NHSL1: variants seen among roughly 807,000 people sequenced by gnomAD.
NHSL1 encodes NHS like 1.
In NHSL1, 48 loss-of-function variants were observed where a neutral mutation model predicts 95.0. The observed-to-expected ratio is 0.51, with a 90% CI of 0.40 to 0.64. The LOEUF is 0.64. NHSL1 is among the 30% of genes least tolerant of loss of function. The pLI is 0.00. For synonymous variants in NHSL1, 783 were observed against 833.9 expected, an observed-to-expected ratio of 0.94 and a Z score of 1.05; for missense variants, 1,971 against 2,077.7, an observed-to-expected ratio of 0.95 and a Z score of 1.00.
intron 1 of NHSL1, among the ~76,000 whole-genome samples, chr6:138,687,562 A>G (rs1785602240): frequency 6.6e-6 from 1 of 152,236 alleles, no homozygotes; most frequent in South Asian, 2.1e-4. Flanking sequence ...TACAATTATT[A>G]TGTATCAATT....
chr6:138,438,507 C>T (rs934866916), intron 5 of NHSL1, among the ~76,000 whole-genome samples: 14 of 152,094 alleles, frequency 9.2e-5, no homozygotes, highest in African/African-American at 3.1e-4. Flanking sequence ...TGCAATAACC[C>T]TGAGGTATGT....
chr6:138,497,932 T>C (rs1337620557), intron 1 of NHSL1, among the ~76,000 whole-genome samples: 1 of 152,230 alleles, frequency 6.6e-6, no homozygotes, highest in Non-Finnish European at 1.5e-5. Flanking sequence ...GAAATGTCCA[T>C]TGTGCTTTCT....
At chr6:138,446,874 A>C (rs1335365254) in intron 4 of NHSL1, 127 bp downstream of exon 4, 2 of 805,598 alleles carry the variant, frequency 2.5e-6, no homozygotes, top group Non-Finnish European at 4.0e-6. Flanking sequence ...CTCATTAAAC[A>C]AAGAGCATGA....
At chr6:138,598,781 G>C (rs1220949828) in intron 1 of NHSL1, among the ~76,000 whole-genome samples, 1 of 152,132 alleles carries the variant, frequency 6.6e-6, no homozygotes, top group Non-Finnish European at 1.5e-5. Flanking sequence ...CTTTGTGGTA[G>C]GGTGGGTGAA....
At chr6:138,428,970 G>A (rs774747780) in intron 7 of NHSL1, among the ~76,000 whole-genome samples, 13 of 152,222 alleles carry the variant, frequency 8.5e-5, no homozygotes, top group Non-Finnish European at 1.8e-4. Context: ...CGATGACACT[G>A]TGTGGGAGTA....
At chr6:138,443,566 C>G (rs924033892) in intron 4 of NHSL1, among the ~76,000 whole-genome samples, 1 of 152,174 alleles carries the variant, frequency 6.6e-6, no homozygotes, top group Non-Finnish European at 1.5e-5. Flanking sequence ...GTGGCTCATA[C>G]CTATAATCCC....
At chr6:138,440,620 A>G (rs1432079746) in intron 5 of NHSL1, among the ~76,000 whole-genome samples, 1 of 151,818 alleles carries the variant, frequency 6.6e-6, no homozygotes, top group Non-Finnish European at 1.5e-5. Flanking sequence ...TGGAAGGCAG[A>G]GCATATATAC....
At chr6:138,443,483 G>A (rs1177386261) in intron 4 of NHSL1, among the ~76,000 whole-genome samples, 1 of 152,158 alleles carries the variant, frequency 6.6e-6, no homozygotes, top group Non-Finnish European at 1.5e-5. Context: ...TGCAGCAGAA[G>A]AAAAAACTTC....
At chr6:138,679,576 T>C (rs548505786) in intron 1 of NHSL1, among the ~76,000 whole-genome samples, 1 of 152,254 alleles carries the variant, frequency 6.6e-6, no homozygotes, top group South Asian at 2.1e-4. Flanking sequence ...ACATCATGAG[T>C]ACAATTGAAA....
At chr6:138,620,668 C>A (rs916716485) in intron 1 of NHSL1, among the ~76,000 whole-genome samples, 1 of 146,900 alleles carries the variant, frequency 6.8e-6, no homozygotes, top group African/African-American at 2.7e-5. Flanking sequence ...TGAAAAACAT[C>A]TAACTTTAGA....
At chr6:138,575,315 G>A (rs905255429), upstream of NHSL1, among the ~76,000 whole-genome samples, 1 of 152,178 alleles carries the variant, frequency 6.6e-6, no homozygotes, top group Non-Finnish European at 1.5e-5. Flanking sequence ...TAACTGGCGT[G>A]TTTTCCTCCA....
chr6:138,581,995 C>T (rs912347803), intron 1 of NHSL1, among the ~76,000 whole-genome samples: 4 of 149,358 alleles, frequency 2.7e-5, no homozygotes, highest in African/African-American at 9.9e-5. Flanking sequence ...CTCCCAAGTT[C>T]AAGCGATTCT....
chr6:138,554,469 C>T (rs980467398), intron 1 of NHSL1, among the ~76,000 whole-genome samples: 1 of 152,146 alleles, frequency 6.6e-6, no homozygotes, highest in African/African-American at 2.4e-5. Context: ...ATCAACCAGG[C>T]GGACCACAGT....
intron 2 of NHSL1, among the ~76,000 whole-genome samples, chr6:138,476,377 G>A (rs11961048): frequency 0.037 from 5,695 of 152,248 alleles, 353 homozygotes; most frequent in African/African-American, 0.13. Context: ...CCATTATCCT[G>A]AGTGAAATAA....
upstream of NHSL1, chr6:138,499,540 G>A (rs1251335685): frequency 6.1e-6 from 4 of 658,388 alleles, no homozygotes; most frequent in Non-Finnish European, 6.4e-6. Context: ...AGAGCAGCCA[G>A]TGACATCGTG....
At chr6:138,465,391 A>C (rs1778294411) in intron 3 of NHSL1, among the ~76,000 whole-genome samples, 2 of 152,076 alleles carry the variant, frequency 1.3e-5, no homozygotes, top group East Asian at 1.9e-4. Context: ...TCTCCTAACT[A>C]ACTCCCTTCC....
intron 1 of NHSL1, among the ~76,000 whole-genome samples, chr6:138,523,627 G>GAAAAAAAAAAAAAAAAAA (rs67335375): frequency 3.1e-5 from 2 of 64,938 alleles, no homozygotes; most frequent in Non-Finnish European, 6.4e-5. Context: ...TTTTAAAGAG[G>GAAAAAAAAAAAAAAAAAA]AAAAAAAAAA....
intron 1 of NHSL1, among the ~76,000 whole-genome samples, chr6:138,675,946 T>G (rs1488969868): frequency 1.3e-5 from 2 of 152,156 alleles, no homozygotes; most frequent in Non-Finnish European, 2.9e-5. Context: ...GGAAATATGG[T>G]TTTTAGGAAG....
At chr6:138,488,829 G>C (rs746934336) in intron 2 of NHSL1, among the ~76,000 whole-genome samples, 1 of 152,218 alleles carries the variant, frequency 6.6e-6, no homozygotes, top group Non-Finnish European at 1.5e-5. Context: ...TTCAGTGCTT[G>C]TGAGGTCTGA....
Sources: gnomAD v4.1 joint callset for allele counts (sites outside exome capture counted in the v4.1 genomes callset) on GRCh38, gnomAD v4.1.1 for gene constraint, MANE v1.5 for transcripts, NCBI Gene and HGNC (gene_info 2026-07-23, HGNC 2026-07-21) for gene names.